Variants in NOD1 observed in about 807,000 individuals in gnomAD.
The protein encoded by NOD1 is nucleotide-binding oligomerization domain-containing protein 1.
NOD1 carries 70 observed loss-of-function variants against 81.2 expected under a neutral mutation model. That is an observed-to-expected ratio of 0.86 (90% CI 0.71 to 1.05). The LOEUF is 1.05. Ranked by LOEUF, NOD1 falls within the 50% of genes least tolerant of loss-of-function variation. NOD1 has a pLI of 0.00. For synonymous variants in NOD1, 508 were observed against 526.9 expected (o/e 0.96, Z 0.49); for missense variants, 1,233 against 1,228.0 (o/e 1.00, Z -0.06).
Position 30,448,299 on chromosome 7 carries a change from C to T in NOD1, c.2284G>A (p.Gly762Ser), listed in dbSNP as rs1179653730. 1 of 1,612,852 alleles carries T rather than the reference C, an allele frequency of 6.2e-7. No individual in the cohort carries two copies. Among genetic ancestry groups the T allele is most frequent in the Non-Finnish European group, 8.5e-7 (1 of 1,178,850 alleles). Residue 762 changes from glycine to serine, a missense_variant and splice_region_variant, in exon 7 of 14, where the codon GGT (glycine) becomes AGT (serine). Physicochemically the swap from Gly to Ser is moderately conservative, Grantham distance 56. Transcript: ENST00000222823. Reference protein sequence around the residue: ...LTKYKIVTYLGLYNNQITDVG... With the variant: ...LTKYKIVTYLSLYNNQITDVG... ...CCAGTGTTCTGGAGAAAGACATACC[C>T]CAAATAGGTCACAATTTTGTATTTG...
At chr7:30,461,793 C>T (rs184151619) in intron 1 of NOD1, among the ~76,000 whole-genome samples, 86 of 152,306 alleles carry the variant, frequency 5.6e-4, no homozygotes, top group Non-Finnish European at 1.5e-4. Context: ...GGCGGGAGTG[C>T]AGTGGCACAA....
intron 1 of NOD1, among the ~76,000 whole-genome samples, chr7:30,462,285 C>A (rs1253392692): frequency 6.6e-6 from 1 of 152,158 alleles, no homozygotes; most frequent in Non-Finnish European, 1.5e-5. Flanking sequence ...CTCTCCTATA[C>A]CACTGGTGGA....
intron 1 of NOD1, chr7:30,463,718 A>C (rs1425467913): frequency 1.3e-5 from 2 of 151,122 alleles, no homozygotes; most frequent in Non-Finnish European, 3.0e-5. Context: ...AAAAAAAAAA[A>C]ACATTTTATA....
chr7:30,469,308 G>A (rs1788028655), intron 1 of NOD1: 1 of 901,212 alleles, frequency 1.1e-6, no homozygotes, highest in Non-Finnish European at 1.3e-6. Flanking sequence ...CTGACTTTAA[G>A]TATCTGAAAG....
At chr7:30,446,943 G>A (rs752275632) in intron 8 of NOD1, 24 bp downstream of exon 8, 2 of 1,589,302 alleles carry the variant, frequency 1.3e-6, no homozygotes, top group Admixed American at 1.7e-5. Context: ...ATATACTAAG[G>A]AACCTGGTGC....
intron 1 of NOD1, among the ~76,000 whole-genome samples, chr7:30,472,094 T>C (rs762612278): frequency 1.0e-3 from 156 of 152,294 alleles, no homozygotes; most frequent in Non-Finnish European, 2.0e-3. Flanking sequence ...TAAATAGAAG[T>C]GACTAATGAT....
intron 4 of NOD1, 85 bp from the exon 5 acceptor site, chr7:30,455,396 G>T: frequency 9.1e-7 from 1 of 1,101,192 alleles, no homozygotes; most frequent in Non-Finnish European, 1.3e-6. Context: ...CTCAGGGCAG[G>T]GCTCTGAGTT....
chr7:30,438,775 G>T (rs1169068815), intron 9 of NOD1, among the ~76,000 whole-genome samples: 1 of 152,180 alleles, frequency 6.6e-6, no homozygotes, highest in Non-Finnish European at 1.5e-5. Flanking sequence ...GATACATATA[G>T]TCTCACCCCT....
At chr7:30,447,389 G>A in intron 7 of NOD1, 1 of 312,534 alleles carries the variant, frequency 3.2e-6, no homozygotes, top group African/African-American at 2.2e-5. Context: ...CTCGGTGACT[G>A]GCAGGTGATG....
At position 30,452,300 on chromosome 7, in the gene NOD1, G is replaced by A. The variant is rs368288458; in HGVS notation, c.1117C>T (p.Arg373Cys). ...RMFPERALQD[R>C]LLSQLEANPN... ...TTGGCCTCCAGCTGGCTCAGCAGGC[G>A]GTCCTGCAGGGCCCGCTCGGGGAAC... Residue 373 changes from arginine (R) to cysteine (C), a missense_variant, in exon 6 of 14, where the codon CGC becomes TGC. Physicochemically the swap from Arg to Cys is radical, Grantham distance 180. Coordinates refer to ENST00000222823, the MANE Select transcript of NOD1 (RefSeq NM_006092.4). The A allele has an allele frequency of 1.2e-5, 20 of 1,613,262 alleles. No homozygotes were observed. Among genetic ancestry groups the A allele is most frequent in the East Asian group, 4.5e-5 (2 of 44,900 alleles).
intron 13 of NOD1, chr7:30,428,671 GTTTT>G (rs1321653903): frequency 6.6e-6 from 1 of 150,576 alleles, no homozygotes; most frequent in Admixed American, 6.6e-5. Context: ...GCTGTTTTTT[GTTTT>G]TTTTTAATTG....
intron 9 of NOD1, 82 bp from the exon 10 acceptor site, chr7:30,437,738 G>A (rs1784507771): frequency 3.2e-6 from 3 of 929,032 alleles, no homozygotes; most frequent in East Asian, 3.3e-5. Flanking sequence ...AATGGCCACA[G>A]CTCAGTTCCT....
intron 1 of NOD1, among the ~76,000 whole-genome samples, chr7:30,473,077 G>A (rs1350833571): frequency 6.6e-6 from 1 of 152,178 alleles, no homozygotes; most frequent in South Asian, 2.1e-4. Flanking sequence ...CCACACCAGG[G>A]TAGGGGGCCA....
chr7:30,468,956 C>A (rs2128100932), intron 1 of NOD1: 1 of 985,464 alleles, frequency 1.0e-6, no homozygotes, highest in East Asian at 1.1e-4. Flanking sequence ...CAACAGCAAG[C>A]TGGGTGGATG....
chr7:30,463,526 G>GCT (rs1259674811), intron 1 of NOD1: 6 of 152,496 alleles, frequency 3.9e-5, no homozygotes, highest in African/African-American at 1.4e-4. Flanking sequence ...GACCTAGAAA[G>GCT]GAGTCTCACC....
At chr7:30,458,810 C>T (rs1403091003) in intron 3 of NOD1, among the ~76,000 whole-genome samples, 1 of 150,408 alleles carries the variant, frequency 6.6e-6, no homozygotes, top group Non-Finnish European at 1.5e-5. Context: ...AATCTCGGCT[C>T]ACTGCAACAT....
chr7:30,433,065 C>T (rs1270436187), intron 12 of NOD1, 31 bp downstream of exon 12: 3 of 1,475,806 alleles, frequency 2.0e-6, no homozygotes, highest in Non-Finnish European at 1.9e-6. Flanking sequence ...AAAAGTAGCA[C>T]AGTCTGAAAT....
chr7:30,448,568 C>A (rs1257709874), intron 6 of NOD1, among the ~76,000 whole-genome samples, 187 bp from the exon 7 acceptor site: 1 of 152,190 alleles, frequency 6.6e-6, no homozygotes, highest in Non-Finnish European at 1.5e-5. Context: ...GGCCGCCAGA[C>A]CCATCCTGCA....
intron 13 of NOD1, chr7:30,428,713 G>A (rs1783680183): frequency 6.6e-6 from 1 of 152,010 alleles, no homozygotes; most frequent in African/African-American, 2.4e-5. Flanking sequence ...AGTCATGAAA[G>A]GAGGACATAG....
Sources: gnomAD v4.1 joint callset for allele counts (sites outside exome capture counted in the v4.1 genomes callset) on GRCh38, gnomAD v4.1.1 for gene constraint, MANE v1.5 for transcripts, NCBI Gene and HGNC (gene_info 2026-07-23, HGNC 2026-07-21) for gene names.